The following MSRB3 variants were observed in gnomAD, a reference collection of about 807,000 sequenced individuals.
MSRB3 encodes methionine-R-sulfoxide reductase B3.
A neutral mutation model predicts 21.0 loss-of-function variants in MSRB3; 13 were observed. The observed-to-expected ratio is 0.62, with a 90% CI of 0.40 to 0.98. The LOEUF is 0.98. MSRB3 is among the 50% of genes least tolerant of loss of function. The probability of loss-of-function intolerance (pLI) is 0.00; values close to 1 mark genes in which losing one functional copy is unlikely to be tolerated. For synonymous variants in MSRB3, 87 were observed against 88.6 expected, an observed-to-expected ratio of 0.98 and a Z score of 0.10; for missense variants, 199 against 230.3, an observed-to-expected ratio of 0.86 and a Z score of 0.88.
chr12:65,411,318 A>T (rs1880704524), intron 5 of MSRB3, among the ~76,000 whole-genome samples: 1 of 152,130 alleles, frequency 6.6e-6, no homozygotes, highest in Non-Finnish European at 1.5e-5. Flanking sequence ...TGAGCCTTCC[A>T]TGGGGAAGTC....
chr12:65,282,347 C>G (rs1872077638), intron 1 of MSRB3, among the ~76,000 whole-genome samples: 2 of 151,964 alleles, frequency 1.3e-5, no homozygotes, highest in South Asian at 4.1e-4. Context: ...TCAGCACAGT[C>G]CCTCATCCAT....
chr12:65,442,352 A>G (rs1355347733), intron 5 of MSRB3, among the ~76,000 whole-genome samples: 1 of 152,042 alleles, frequency 6.6e-6, no homozygotes, highest in East Asian at 1.9e-4. Flanking sequence ...CCAACCAAAA[A>G]ATGTAAGTAA....
At chr12:65,352,606 T>C (rs1877089934) in intron 4 of MSRB3, among the ~76,000 whole-genome samples, 1 of 151,896 alleles carries the variant, frequency 6.6e-6, no homozygotes, top group Admixed American at 6.6e-5. Context: ...GATAGGCAAC[T>C]TCAGCAAAGT....
At chr12:65,417,915 A>G (rs960210646) in intron 5 of MSRB3, among the ~76,000 whole-genome samples, 3 of 152,198 alleles carry the variant, frequency 2.0e-5, no homozygotes, top group Non-Finnish European at 2.9e-5. Flanking sequence ...CCCACATCTT[A>G]GTTATTGTGA....
intron 5 of MSRB3, among the ~76,000 whole-genome samples, chr12:65,413,385 T>C (rs762157314): frequency 2.6e-5 from 4 of 152,198 alleles, no homozygotes; most frequent in Admixed American, 6.5e-5. Context: ...TTTGCTTGGT[T>C]GCCTGGCCTC....
Position 65,287,568 on chromosome 12 carries a change from T to G in MSRB3, c.-52+8703T>G, listed in dbSNP as rs1421585013. Among the ~76,000 whole-genome samples, 4 of 152,238 alleles carry G rather than the reference T, an allele frequency of 2.6e-5. No individual in the cohort carries two copies. The East Asian group carries it at 7.7e-4, about 29-fold the overall frequency. On this transcript the variant is annotated intron_variant, in intron 1 of 6. Transcript: ENST00000308259. ...GTGTAGCTAAGGAAAGGTAAGGTCA[T>G]ATCTTCCTGTAACAGTCCAGATTAG...
In MSRB3 at chr12:65,375,950, T is replaced by A. The variant is rs941254445; in HGVS notation, c.292+6924T>A. On this transcript the variant is annotated intron_variant, in intron 5 of 6. Coordinates refer to ENST00000308259, the MANE Select transcript of MSRB3 (RefSeq NM_001031679.3). ...TTAAAGTTTTTTTTTTGGCCTCCCA[T>A]GTATTTAATTTTTGTGGCTTTTTTG... 4.0e-5 allele frequency among the ~76,000 whole-genome samples: 6 copies of A among 151,460 alleles called. No homozygotes were observed. In the East Asian group the frequency reaches 1.2e-3, roughly 29 times the overall value.
chr12:65,392,862 A>G (rs1441354476), intron 5 of MSRB3, among the ~76,000 whole-genome samples: 1 of 152,182 alleles, frequency 6.6e-6, no homozygotes, highest in Non-Finnish European at 1.5e-5. Context: ...AAAGAGTTCT[A>G]TTATTCAGTA....
rs1420673533 is a variant in MSRB3 at position 65,422,390 on chromosome 12, A to G, written c.293-31338A>G. Among the ~76,000 whole-genome samples the G allele has an allele frequency of 2.9e-3, 62 of 21,748 alleles. 1 individual carries two copies. The highest frequency in any genetic ancestry group is 4.3e-3 in the Admixed American group (9 of 2,078). 14.3% of individuals were successfully genotyped at this position (21,748 alleles called of 152,430 possible). On this transcript the variant is annotated intron_variant, in intron 5 of 6. Coordinates refer to ENST00000308259, the MANE Select transcript of MSRB3 (RefSeq NM_001031679.3). ...TTTTTAATTTTTGGGAGTACATAGT[A>G]TATATATATATATATATATATATAT...
At chr12:65,405,848 T>TTTTCATATA (rs1236315848) in intron 5 of MSRB3, among the ~76,000 whole-genome samples, 4 of 152,216 alleles carry the variant, frequency 2.6e-5, no homozygotes, top group Admixed American at 2.6e-4. Flanking sequence ...TTGAGCATTT[T>TTTTCATATA]TTTCATATAT....
chr12:65,357,468 A>G (rs188075364), intron 4 of MSRB3, among the ~76,000 whole-genome samples: 44 of 152,110 alleles, frequency 2.9e-4, no homozygotes, highest in African/African-American at 9.9e-4. Context: ...AGTTTCTCCT[A>G]TTAACATCTT....
rs568549530 is a variant in MSRB3 at position 65,369,502 on chromosome 12, T to C, written c.292+476T>C. Among the ~76,000 whole-genome samples, 3 of 152,314 alleles carry C rather than the reference T, an allele frequency of 2.0e-5. No homozygotes were observed. The East Asian group carries it at 5.8e-4, about 29-fold the overall frequency. ...AAAAGTTTTATTGCTAGATGGGTGATAGAAAATGAAGGTCACCTTAAGCCA... is the reference window on the plus strand; with the variant it reads ...AAAAGTTTTATTGCTAGATGGGTGACAGAAAATGAAGGTCACCTTAAGCCA... On this transcript the variant is annotated intron_variant, in intron 5 of 6. Coordinates refer to ENST00000308259, the MANE Select transcript of MSRB3 (RefSeq NM_001031679.3).
chr12:65,398,207 T>C (rs1879920023), intron 5 of MSRB3, among the ~76,000 whole-genome samples: 2 of 152,200 alleles, frequency 1.3e-5, no homozygotes. Flanking sequence ...ATGGTTGAAC[T>C]AAATTTACAC....
intron 2 of MSRB3, among the ~76,000 whole-genome samples, chr12:65,313,262 A>G (rs1167531199): frequency 6.6e-6 from 1 of 152,148 alleles, no homozygotes; most frequent in African/African-American, 2.4e-5. Flanking sequence ...CTACAGATAC[A>G]CATTAAAGCC....
At chr12:65,305,768 G>C (rs1255876942) in intron 1 of MSRB3, among the ~76,000 whole-genome samples, 1 of 150,094 alleles carries the variant, frequency 6.7e-6, no homozygotes, top group African/African-American at 2.5e-5. Flanking sequence ...TCTGTTGTTT[G>C]TTTTCATTAG....
chr12:65,294,926 A>T (rs912597138), intron 1 of MSRB3, among the ~76,000 whole-genome samples: 1 of 151,958 alleles, frequency 6.6e-6, no homozygotes, highest in Non-Finnish European at 1.5e-5. Context: ...GGCTCAAGTG[A>T]TCCTCCCACC....
intron 5 of MSRB3, among the ~76,000 whole-genome samples, chr12:65,396,704 A>AGAAAGAAAGAAAGAAAAG (rs1555209340): frequency 2.2e-4 from 12 of 54,152 alleles, no homozygotes; most frequent in African/African-American, 7.4e-4. Context: ...AAAAAAAAAA[A>AGAAAGAAAGAAAGAAAAG]AAAGAAAGAA....
intron 1 of MSRB3, among the ~76,000 whole-genome samples, chr12:65,287,794 T>G (rs1042773436): frequency 6.6e-6 from 1 of 152,148 alleles, no homozygotes; most frequent in Non-Finnish European, 1.5e-5. Flanking sequence ...GCAGAGCCAC[T>G]TGAAAAATTA....
chr12:65,459,392 A>G (rs916018790), intron 6 of MSRB3, among the ~76,000 whole-genome samples: 1 of 152,194 alleles, frequency 6.6e-6, no homozygotes, highest in African/African-American at 2.4e-5. Context: ...CACATGTGTT[A>G]CAATAGGGCT....
Sources: allele counts gnomAD v4.1 joint callset (sites outside exome capture counted in the v4.1 genomes callset), GRCh38; gene constraint gnomAD v4.1.1; transcripts MANE v1.5; gene names NCBI Gene and HGNC (gene_info 2026-07-23, HGNC 2026-07-21).